ESR1: variants seen among roughly 807,000 people sequenced by gnomAD.
The protein encoded by ESR1 is estrogen receptor.
A neutral mutation model predicts 52.7 loss-of-function variants in ESR1; 12 were observed. The ratio of observed to expected loss-of-function variants is 0.23; its 90% CI spans 0.15 to 0.37. The LOEUF (loss-of-function observed/expected upper bound fraction) is 0.37, where lower values mean the gene tolerates loss of function less well. ESR1 is among the 10% of genes least tolerant of loss of function. The probability of loss-of-function intolerance (pLI) is 1.00; values close to 1 mark genes in which losing one functional copy is unlikely to be tolerated. For missense variants in ESR1, 584 were observed against 779.7 expected, an observed-to-expected ratio of 0.75 and a Z score of 2.99; for synonymous variants, 305 against 316.8, an observed-to-expected ratio of 0.96 and a Z score of 0.39.
intron 6 of ESR1, among the ~76,000 whole-genome samples, chr6:152,082,081 A>G (rs2129010808): frequency 6.6e-6 from 1 of 152,354 alleles, no homozygotes; most frequent in East Asian, 1.9e-4. Context: ...CAATCAATAG[A>G]AAAAGAGGGA....
intron 6 of ESR1, among the ~76,000 whole-genome samples, chr6:152,081,723 C>T (rs1216688848): frequency 1.3e-5 from 2 of 151,678 alleles, no homozygotes; most frequent in Non-Finnish European, 2.9e-5. Context: ...ATTGATAGAC[C>T]ACTAGCAAGA....
intron 3 of ESR1, among the ~76,000 whole-genome samples, chr6:151,920,275 A>G (rs1458437297): frequency 1.3e-5 from 2 of 151,564 alleles, no homozygotes; most frequent in Non-Finnish European, 2.9e-5. Context: ...TTAATATTAT[A>G]TGAAAGTACT....
intron 4 of ESR1, among the ~76,000 whole-genome samples, chr6:151,971,356 C>T (rs948414700): frequency 3.9e-5 from 6 of 152,082 alleles, no homozygotes; most frequent in Admixed American, 1.3e-4. Context: ...CCCTCCCTTT[C>T]TCCCGAGTCC....
chr6:152,003,576 T>A (rs955882042), intron 4 of ESR1, among the ~76,000 whole-genome samples: 3 of 151,950 alleles, frequency 2.0e-5, no homozygotes, highest in African/African-American at 7.2e-5. Flanking sequence ...TGGGGCTGCA[T>A]GAAGTTTGTA....
rs1168019404 is a variant in ESR1, at chr6:152,098,977, G to A, written c.*11G>A. The A allele has an allele frequency of 5.0e-6, 8 of 1,605,028 alleles. No individual in the cohort carries two copies. Among genetic ancestry groups the A allele is most frequent in the Admixed American group, 3.3e-5 (2 of 59,956 alleles). On this transcript the variant is annotated 3_prime_UTR_variant, in exon 8 of 8. Transcript: ENST00000206249. The surrounding 1 kb of genome is among the most constrained non-coding windows in gnomAD (Gnocchi z 5.1). Reference sequence around the variant, plus strand: ...CCTGCCACGGTCTGAGAGCTCCCTGGCTCCCACACGGTTCAGATAATCCCT... The same window carrying A: ...CCTGCCACGGTCTGAGAGCTCCCTGACTCCCACACGGTTCAGATAATCCCT...
Position 152,101,735 on chromosome 6 carries a change from G to C in ESR1, c.*2769G>C. 4.3e-6 allele frequency: 1 copy of C among 230,696 alleles called. No individual in the cohort carries two copies. Among genetic ancestry groups the C allele is most frequent in the Non-Finnish European group, 8.6e-6 (1 of 116,510 alleles). The allele number at this position is 230,696 out of a possible 1,614,324, so 14.3% of individuals were successfully genotyped here. ...TGATTTATCTGGGGGGCTCAGGTAT[G>C]GTGGGGAAGTGGATTCAGGAATCTG... On this transcript the variant is annotated 3_prime_UTR_variant, in exon 8 of 8. Transcript: ENST00000206249.
At chr6:151,793,020 A>G (rs1417072211) in intron 2 of ESR1, among the ~76,000 whole-genome samples, 1 of 151,936 alleles carries the variant, frequency 6.6e-6, no homozygotes. Context: ...AATACAAAAA[A>G]ATTAGCCGGG....
At chr6:151,818,015 C>A (rs1298901041) in intron 1 of ESR1, among the ~76,000 whole-genome samples, 2 of 152,218 alleles carry the variant, frequency 1.3e-5, no homozygotes, top group Non-Finnish European at 2.9e-5. Context: ...GAGGAGGACT[C>A]AATTAAAGCT....
intron 1 of ESR1, among the ~76,000 whole-genome samples, chr6:151,835,861 A>C (rs1004049350): frequency 6.6e-6 from 1 of 152,016 alleles, no homozygotes; most frequent in Non-Finnish European, 1.5e-5. Context: ...CAGAAGTTTG[A>C]GATTTTTATG....
In ESR1 at chr6:152,108,346, G is replaced by A. The variant is rs1038733555; in HGVS notation, c.851-16920G>A. ...GGAGGTAAGGGTGGGAGCAGCCCCA[G>A]GCAAGAATGCCACAAATCTGCACTG... On this transcript the variant is annotated intron_variant, in intron 6 of 6. Transcript: ENST00000427531. Among the ~76,000 whole-genome samples, 19 of 152,270 alleles carry A rather than the reference G, an allele frequency of 1.2e-4. 1 individual carries two copies. Among genetic ancestry groups the A allele is most frequent in the East Asian group, 7.7e-4 (4 of 5,182 alleles).
At chr6:151,873,532 C>G (rs150272140) in intron 2 of ESR1, among the ~76,000 whole-genome samples, 9 of 152,308 alleles carry the variant, frequency 5.9e-5, no homozygotes, top group African/African-American at 1.9e-4. Context: ...AGCGTCTACT[C>G]AGGCCTGGGC....
At chr6:151,710,002 A>G (rs924976586) in intron 2 of ESR1, among the ~76,000 whole-genome samples, 12 of 151,710 alleles carry the variant, frequency 7.9e-5, no homozygotes, top group East Asian at 1.9e-4. Flanking sequence ...ATTTTTTTAT[A>G]TAAAAGTGGA....
intron 1 of ESR1, among the ~76,000 whole-genome samples, chr6:151,682,838 A>C (rs748724696): frequency 6.6e-6 from 1 of 152,210 alleles, no homozygotes; most frequent in African/African-American, 2.4e-5. Context: ...GGGACCCCCC[A>C]TGTGGATGTT....
At chr6:151,902,210 A>T (rs994457790) in intron 3 of ESR1, among the ~76,000 whole-genome samples, 2 of 152,178 alleles carry the variant, frequency 1.3e-5, no homozygotes, top group African/African-American at 4.8e-5. Context: ...AAATAGGACC[A>T]AACTTCCTCC....
intron 6 of ESR1, among the ~76,000 whole-genome samples, chr6:152,077,158 C>G (rs966901568): frequency 4.6e-5 from 7 of 152,134 alleles, no homozygotes; most frequent in African/African-American, 1.4e-4. Flanking sequence ...AGCCTAGGAA[C>G]TTGGTGCCCT....
intron 2 of ESR1, among the ~76,000 whole-genome samples, chr6:151,709,671 G>T (rs1000630134): frequency 6.6e-6 from 1 of 151,360 alleles, no homozygotes; most frequent in Non-Finnish European, 1.5e-5. Context: ...GGTGTGAGAT[G>T]ATATCTCTTT....
intron 1 of ESR1, among the ~76,000 whole-genome samples, chr6:151,663,451 C>G (rs1005670107): frequency 1.8e-4 from 28 of 152,342 alleles, no homozygotes; most frequent in African/African-American, 6.7e-4. Flanking sequence ...TTGACTCAAA[C>G]AGTTCTCTTA....
rs191692344 is a variant in ESR1, at chr6:151,765,454, T to C, written c.-70-42389T>C. ...GTGCTTCATAGCCACATGAAAGCTGTATTGGACAGCAAAGAAGTAGAATAT... is the reference window on the plus strand; with the variant it reads ...GTGCTTCATAGCCACATGAAAGCTGCATTGGACAGCAAAGAAGTAGAATAT... On this transcript the variant is annotated intron_variant, in intron 2 of 2. Transcript: ENST00000404742. Among the ~76,000 whole-genome samples, 679 of 152,338 alleles carry C rather than the reference T, an allele frequency of 4.5e-3. 2 individuals are homozygous for C. Among genetic ancestry groups the C allele is most frequent in the African/African-American group, 0.016 (656 of 41,572 alleles).
intron 2 of ESR1, among the ~76,000 whole-genome samples, chr6:151,705,118 G>A (rs527360721): frequency 3.9e-5 from 6 of 152,018 alleles, no homozygotes; most frequent in African/African-American, 1.5e-4. Context: ...ATCATCATAA[G>A]AGCACATTTT....
Sources: gnomAD v4.1 joint callset for allele counts (sites outside exome capture counted in the v4.1 genomes callset) on GRCh38, gnomAD v4.1.1 for gene constraint, Gnocchi (gnomAD v3.1) non-coding constraint, MANE v1.5 for transcripts, NCBI Gene and HGNC (gene_info 2026-07-23, HGNC 2026-07-21) for gene names.